Variants in ACOT11 observed in about 807,000 individuals in gnomAD.
ACOT11 encodes acyl-coenzyme A thioesterase 11.
In ACOT11, 69 loss-of-function variants were observed where a neutral mutation model predicts 77.5. The ratio of observed to expected loss-of-function variants is 0.89; its 90% CI spans 0.73 to 1.09. The LOEUF (loss-of-function observed/expected upper bound fraction) is 1.09. Among genes scored for constraint, ACOT11 ranks in the 50% least tolerant of loss-of-function variants. The pLI is 0.00. For synonymous variants in ACOT11, 279 were observed against 313.0 expected, an observed-to-expected ratio of 0.89 and a Z score of 1.15; for missense variants, 766 against 813.7, an observed-to-expected ratio of 0.94 and a Z score of 0.71.
exon 17 of ACOT11, chr1:54,635,378 C>T (rs140846960): frequency 0.023 from 6,822 of 295,188 alleles, 197 homozygotes; most frequent in Admixed American, 0.1. Flanking sequence ...GGAACCATGG[C>T]GGTATAGTGG....
chr1:54,607,641 GA>G lies in ACOT11; in HGVS notation c.1503-293del, dbSNP rs997791883. 3.3e-5 allele frequency among the ~76,000 whole-genome samples: 5 copies of G among 151,944 alleles called. No individual in the cohort carries two copies. The highest frequency in any genetic ancestry group is 4.4e-5 in the Non-Finnish European group (3 of 67,972). ...CTCTTTTGCTGGAGAGACAGGGACAGAAAAAAAATCCCAAAGCCCACGAGTC... is the reference window on the plus strand; with the variant it reads ...CTCTTTTGCTGGAGAGACAGGGACAGAAAAAAATCCCAAAGCCCACGAGTC... On this transcript the variant is annotated intron_variant, in intron 14 of 15. Transcript: ENST00000343744. The surrounding 1 kb of genome is among the most constrained non-coding windows in gnomAD (Gnocchi z 4.5).
chr1:54,607,155 G>C lies in ACOT11; in HGVS notation c.1392G>C (p.Gln464His). The change falls in exon 14 of 16, where the codon CAG becomes CAC. Residue 464 changes from glutamine (Q) to histidine (H), a missense_variant. By Grantham distance (24) the Gln-to-His change is conservative. Transcript: ENST00000343744. This position sits in a 1 kb window ranked among gnomAD's most constrained non-coding sequence, Gnocchi z 4.5. The part of the protein sequence containing the change: ...KHYRSVELVQ[Q>H]VDEDDAIYHV... ...ACAGGAGCGTGGAGCTAGTGCAGCAGGTAGACGAGGACGACGCCATCTACC... is the reference window on the plus strand; with the variant it reads ...ACAGGAGCGTGGAGCTAGTGCAGCACGTAGACGAGGACGACGCCATCTACC... 1 of 1,614,174 alleles carries C rather than the reference G, an allele frequency of 6.2e-7. No individual in the cohort carries two copies. Among genetic ancestry groups the C allele is most frequent in the Non-Finnish European group, 8.5e-7 (1 of 1,180,020 alleles).
At chr1:54,586,041 G>T in intron 3 of ACOT11, 137 bp downstream of exon 3, 1 of 846,150 alleles carries the variant, frequency 1.2e-6, no homozygotes, top group Non-Finnish European at 1.8e-6. Flanking sequence ...GGTGGGGGCA[G>T]CCTCTGGGGA....
rs67577349 is a variant in ACOT11 at position 54,554,290 on chromosome 1, A to AGTGTGTGTGTGT, written c.33+5981_33+5992dup. On this transcript the variant is annotated intron_variant, in intron 1 of 15. Coordinates refer to ENST00000343744, the MANE Select transcript of ACOT11 (RefSeq NM_147161.4). ...TTTTTATGGCTGAATAGTATTCCAT[A>AGTGTGTGTGTGT]GTGTGTGTGTGTGTGTGTGTGTGTG... 1.7e-3 allele frequency among the ~76,000 whole-genome samples: 179 copies of AGTGTGTGTGTGT among 108,408 alleles called. 2 individuals are homozygous for AGTGTGTGTGTGT. The highest frequency in any genetic ancestry group is 4.2e-3 in the African/African-American group (116 of 27,538). The allele number at this position is 108,408 out of a possible 152,430, so 71.1% of individuals were successfully genotyped here. A position where few individuals can be genotyped will look rare whatever the true frequency, so the allele number is the denominator to read the frequency against.
downstream of ACOT11, chr1:54,611,100 G>T: frequency 1.2e-6 from 1 of 840,190 alleles, no homozygotes. Context: ...GTTTTGAGCC[G>T]CTGTTTCTCT....
At chr1:54,610,519 C>A, downstream of ACOT11, 1 of 1,613,508 alleles carries the variant, frequency 6.2e-7, no homozygotes, top group Non-Finnish European at 8.5e-7. Context: ...GATCAGGCTG[C>A]CTCCCGTGTA....
exon 17 of ACOT11, chr1:54,636,654 A>G (rs901722176): frequency 1.3e-5 from 2 of 151,874 alleles, no homozygotes; most frequent in Admixed American, 1.3e-4. Flanking sequence ...CCTCCTCAGC[A>G]CAGACCCTTT....
intron 16 of ACOT11, among the ~76,000 whole-genome samples, chr1:54,632,895 A>G (rs1466031811): frequency 6.6e-6 from 1 of 152,180 alleles, no homozygotes; most frequent in African/African-American, 2.4e-5. Context: ...ACCTGGGACT[A>G]TTCAACCAAT....
At chr1:54,576,965 T>G (rs1654138307) in intron 1 of ACOT11, among the ~76,000 whole-genome samples, 1 of 152,340 alleles carries the variant, frequency 6.6e-6, no homozygotes, top group South Asian at 2.1e-4. Context: ...AACTCACCTT[T>G]TTATAATCAC....
chr1:54,609,933 C>T lies in ACOT11; in HGVS notation c.*821C>T. 1 of 1,604,044 alleles carries T rather than the reference C, an allele frequency of 6.2e-7. No homozygotes were observed. ...AGGCCAGTGTTCAGCAGGATCATGCCTTCTGTGTCTGGAAGAGGCGGCAGA... is the reference window on the plus strand; with the variant it reads ...AGGCCAGTGTTCAGCAGGATCATGCTTTCTGTGTCTGGAAGAGGCGGCAGA... On this transcript the variant is annotated 3_prime_UTR_variant, in exon 16 of 16. Coordinates refer to ENST00000343744, the MANE Select transcript of ACOT11 (RefSeq NM_147161.4).
intron 15 of ACOT11, among the ~76,000 whole-genome samples, chr1:54,622,253 G>A (rs1440354559): frequency 8.2e-6 from 1 of 122,596 alleles, no homozygotes; most frequent in Non-Finnish European, 1.6e-5. Context: ...TCTAGGCTGA[G>A]TGACAGAGTG....
At position 54,609,966 on chromosome 1, in the gene ACOT11, G is replaced by C; in HGVS notation, c.*854G>C. ...TCTGGAAGAGGCGGCAGAGGCAACA[G>C]TGTTTAGGATTTGGGTTATCATAAG... On this transcript the variant is annotated 3_prime_UTR_variant, in exon 16 of 16. Transcript: ENST00000343744. 1 of 1,589,486 alleles carries C rather than the reference G, an allele frequency of 6.3e-7. No individual in the cohort carries two copies. Among genetic ancestry groups the C allele is most frequent in the Non-Finnish European group, 8.5e-7 (1 of 1,172,980 alleles).
intron 1 of ACOT11, among the ~76,000 whole-genome samples, chr1:54,552,797 G>A (rs1183533569): frequency 7.3e-6 from 1 of 137,372 alleles, no homozygotes; most frequent in Non-Finnish European, 1.6e-5. Flanking sequence ...CACTCTTAGT[G>A]TTGTTGTTGT....
exon 17 of ACOT11, chr1:54,634,715 C>T (rs1400981107): frequency 1.4e-5 from 10 of 702,434 alleles, no homozygotes; most frequent in South Asian, 1.0e-4. Flanking sequence ...ATTTGGATAC[C>T]TTCAAGACAC....
intron 3 of ACOT11, among the ~76,000 whole-genome samples, chr1:54,589,884 CCAGACCA>C (rs1654644498): frequency 6.6e-6 from 1 of 152,082 alleles, no homozygotes; most frequent in Admixed American, 6.6e-5. Flanking sequence ...ATCATAAGAT[CCAGACCA>C]TCCTGGCTAA....
intron 1 of ACOT11, among the ~76,000 whole-genome samples, chr1:54,562,342 C>T (rs1557647342): frequency 6.8e-5 from 6 of 88,608 alleles, no homozygotes; most frequent in African/African-American, 1.8e-4. Flanking sequence ...CCCTCCCGGA[C>T]GGGGTGGCTG....
intron 4 of ACOT11, among the ~76,000 whole-genome samples, chr1:54,593,155 C>T (rs1479838937): frequency 1.3e-5 from 2 of 152,216 alleles, no homozygotes; most frequent in African/African-American, 4.8e-5. Context: ...CAGGCAACTT[C>T]ACCAGCTGGG....
rs74071866 is a variant in ACOT11 at position 54,602,855 on chromosome 1, G to A, written c.1085+131G>A. 2,018 of 1,017,768 alleles carry A rather than the reference G, an allele frequency of 2.0e-3. 24 individuals are homozygous for A. In the African/African-American group the frequency reaches 0.029, roughly 14 times the overall value. The allele number at this position is 1,017,768 out of a possible 1,614,324, so 63.0% of individuals were successfully genotyped here. A position where few individuals can be genotyped will look rare whatever the true frequency, so the allele number is the denominator to read the frequency against. ...TGGGCCGGGCCCTTTACATCCTCTC[G>A]TTTTGGTCTTATTACACAGCGGTCT... On this transcript the variant is annotated intron_variant, in intron 10 of 15. Coordinates refer to ENST00000343744, the MANE Select transcript of ACOT11 (RefSeq NM_147161.4).
At chr1:54,591,578 C>T (rs942761152) in intron 3 of ACOT11, among the ~76,000 whole-genome samples, 3 of 152,254 alleles carry the variant, frequency 2.0e-5, no homozygotes, top group Admixed American at 6.5e-5. Context: ...AAAGGACCTG[C>T]TGGAGATCAC....
Sources: gnomAD v4.1 joint callset for allele counts (sites outside exome capture counted in the v4.1 genomes callset) on GRCh38, gnomAD v4.1.1 for gene constraint, Gnocchi (gnomAD v3.1) non-coding constraint, MANE v1.5 for transcripts, NCBI Gene and HGNC (gene_info 2026-07-23, HGNC 2026-07-21) for gene names.